Variants in MSRB2 observed in about 807,000 individuals in gnomAD.
The protein encoded by MSRB2 is methionine sulfoxide reductase B2, also known as methionine-R-sulfoxide reductase B2, mitochondrial.
In MSRB2, 17 loss-of-function variants were observed where a neutral mutation model predicts 19.0. That is an observed-to-expected ratio of 0.89 (90% CI 0.61 to 1.34). The LOEUF is 1.34. Ranked by LOEUF, MSRB2 falls within the 40% of genes most tolerant of loss-of-function variation. MSRB2 has a pLI of 0.00. For missense variants in MSRB2, 208 were observed against 237.6 expected (o/e 0.88, Z 0.82); for synonymous variants, 107 against 99.7 (o/e 1.07, Z -0.44).
chr10:23,097,051 G>A (rs1839876896), intron 1 of MSRB2, among the ~76,000 whole-genome samples: 2 of 152,318 alleles, frequency 1.3e-5, no homozygotes, highest in South Asian at 4.1e-4. Context: ...GAATCTATTC[G>A]AAGGAAATAG....
chr10:23,117,299 C>A (rs7904442), intron 3 of MSRB2, among the ~76,000 whole-genome samples: 98,995 of 151,828 alleles, frequency 0.65, 32,698 homozygotes, highest in Middle Eastern at 0.7. Context: ...CTGGGGGGGA[C>A]CTTTCTAGGG....
At chr10:23,107,017 C>T (rs1160493940) in intron 2 of MSRB2, among the ~76,000 whole-genome samples, 1 of 152,206 alleles carries the variant, frequency 6.6e-6, no homozygotes, top group Non-Finnish European at 1.5e-5. Flanking sequence ...CCTCCCTGTG[C>T]AGCCAGGCAT....
At chr10:23,118,483 G>A (rs889523275) in intron 3 of MSRB2, among the ~76,000 whole-genome samples, 2 of 151,918 alleles carry the variant, frequency 1.3e-5, no homozygotes, top group Admixed American at 6.6e-5. Flanking sequence ...AGAGCACTTA[G>A]AGGGTGGGTC....
At chr10:23,097,650 GT>G (rs1839882307) in intron 1 of MSRB2, among the ~76,000 whole-genome samples, 6 of 152,170 alleles carry the variant, frequency 3.9e-5, no homozygotes, top group Admixed American at 3.9e-4. Flanking sequence ...TTGTAACAAT[GT>G]CTTTGGACAT....
In MSRB2 at chr10:23,095,634, G is replaced by A. The variant is rs1030350940; in HGVS notation, c.26G>A (p.Arg9Gln). 13 of 1,468,948 alleles carry A rather than the reference G, an allele frequency of 8.8e-6. No homozygotes were observed. Among genetic ancestry groups the A allele is most frequent in the Non-Finnish European group, 1.2e-5 (13 of 1,116,508 alleles). 91.0% of individuals were successfully genotyped at this position (1,468,948 alleles called of 1,614,324 possible). ...ATGGCGCGGCTCCTCTGGTTGCTCC[G>A]GGGCCTGACCCTCGGAACTGCGCCT... MARLLWLLRGLTLGTAPRR... is the reference protein window; with the variant it reads MARLLWLLQGLTLGTAPRR... Residue 9 changes from arginine (R) to glutamine (Q), a missense_variant, in exon 1 of 5, where the codon CGG becomes CAG. Coordinates refer to ENST00000376510, the MANE Select transcript of MSRB2 (RefSeq NM_012228.4).
intron 2 of MSRB2, 100 bp downstream of exon 2, chr10:23,104,344 C>T: frequency 1.2e-6 from 1 of 822,978 alleles, no homozygotes; most frequent in Non-Finnish European, 1.9e-6. Flanking sequence ...CAGCAACACT[C>T]CACAGGCCTG....
At chr10:23,109,064 C>T (rs1249379059) in intron 2 of MSRB2, among the ~76,000 whole-genome samples, 1 of 152,194 alleles carries the variant, frequency 6.6e-6, no homozygotes, top group African/African-American at 2.4e-5. Flanking sequence ...CTGAAGATTT[C>T]CTGAGTCAGC....
chr10:23,096,133 C>T (rs1375092067), intron 1 of MSRB2, among the ~76,000 whole-genome samples: 1 of 152,128 alleles, frequency 6.6e-6, no homozygotes, highest in Admixed American at 6.5e-5. Context: ...CATTGCAGCC[C>T]TCTTCGTAGT....
At chr10:23,098,853 C>G (rs1490193094) in intron 1 of MSRB2, among the ~76,000 whole-genome samples, 1 of 152,232 alleles carries the variant, frequency 6.6e-6, no homozygotes, top group Non-Finnish European at 1.5e-5. Flanking sequence ...CAAAATATCA[C>G]AGGCTGGGCA....
chr10:23,113,692 GT>G (rs1840079290), intron 3 of MSRB2, among the ~76,000 whole-genome samples: 1 of 152,152 alleles, frequency 6.6e-6, no homozygotes, highest in African/African-American at 2.4e-5. Context: ...TTGGAGTAGG[GT>G]CAGCCCTAAT....
chr10:23,118,939 C>A, intron 3 of MSRB2: 1 of 427,180 alleles, frequency 2.3e-6, no homozygotes. Context: ...TTCCTCCGAG[C>A]ATTAGTATTT....
intron 2 of MSRB2, among the ~76,000 whole-genome samples, chr10:23,105,829 A>G (rs969711141): frequency 6.6e-6 from 1 of 152,214 alleles, no homozygotes; most frequent in African/African-American, 2.4e-5. Context: ...AGTCATCAGA[A>G]GGGCCAGCAC....
rs1361980963 is a variant in MSRB2, at chr10:23,121,916, G to C, written c.*1054G>C. The stretch of plus-strand genomic sequence containing the variant: ...CACAAATAAACTGCAATAGGACTTG[G>C]TTAGATTTCAATGATTATGAATAAA... On this transcript the variant is annotated 3_prime_UTR_variant, in exon 5 of 5. Coordinates refer to ENST00000376510, the MANE Select transcript of MSRB2 (RefSeq NM_012228.4). The C allele has an allele frequency of 3.9e-5, 6 of 152,250 alleles. No homozygotes were observed. The highest frequency in any genetic ancestry group is 3.9e-4 in the Admixed American group (6 of 15,300). 9.4% of individuals were successfully genotyped at this position (152,250 alleles called of 1,614,324 possible).
At position 23,119,082 on chromosome 10, in the gene MSRB2, C is replaced by G. The variant is rs567663530; in HGVS notation, c.297-222C>G. 2.0e-5 allele frequency: 13 copies of G among 661,602 alleles called. No individual in the cohort carries two copies. The East Asian group carries it at 3.9e-4, about 20-fold the overall frequency. 41.0% of individuals were successfully genotyped at this position (661,602 alleles called of 1,614,324 possible). A position where few individuals can be genotyped will look rare whatever the true frequency, so the allele number is the denominator to read the frequency against. On this transcript the variant is annotated intron_variant, in intron 3 of 4. Coordinates refer to ENST00000376510, the MANE Select transcript of MSRB2 (RefSeq NM_012228.4). Reference sequence around the variant, plus strand: ...ATATCCAGAAAGAAGTCTTTAGCATCAAAGGATCAAGAAGTCCTTCCACTT... The same window carrying G: ...ATATCCAGAAAGAAGTCTTTAGCATGAAAGGATCAAGAAGTCCTTCCACTT...
intron 3 of MSRB2, among the ~76,000 whole-genome samples, chr10:23,118,554 G>C (rs1840142619): frequency 6.6e-6 from 1 of 151,966 alleles, no homozygotes; most frequent in Non-Finnish European, 1.5e-5. Flanking sequence ...GTCCCTGGGA[G>C]ACTTCTGGAG....
intron 3 of MSRB2, among the ~76,000 whole-genome samples, chr10:23,116,778 A>G (rs1355853851): frequency 6.6e-6 from 1 of 152,224 alleles, no homozygotes; most frequent in Non-Finnish European, 1.5e-5. Context: ...TTTAGCTGCT[A>G]GAGAAGAAGA....
intron 3 of MSRB2, among the ~76,000 whole-genome samples, chr10:23,114,210 C>T (rs762663687): frequency 3.2e-4 from 48 of 151,986 alleles, no homozygotes; most frequent in Non-Finnish European, 5.7e-4. Flanking sequence ...ACTAGTTGGG[C>T]GTGGTAGCAC....
At chr10:23,104,693 T>C (rs1291973161) in intron 2 of MSRB2, among the ~76,000 whole-genome samples, 1 of 152,174 alleles carries the variant, frequency 6.6e-6, no homozygotes, top group East Asian at 1.9e-4. Flanking sequence ...AATAAGGTCC[T>C]AACGGCCCCT....
chr10:23,098,591 G>T (rs1000953926), intron 1 of MSRB2, among the ~76,000 whole-genome samples: 1 of 152,218 alleles, frequency 6.6e-6, no homozygotes, highest in Non-Finnish European at 1.5e-5. Context: ...GGATGAGCAC[G>T]TGGTGCAGAG....
Sources: gnomAD v4.1 joint callset for allele counts (sites outside exome capture counted in the v4.1 genomes callset) on GRCh38, gnomAD v4.1.1 for gene constraint, MANE v1.5 for transcripts, NCBI Gene and HGNC (gene_info 2026-07-23, HGNC 2026-07-21) for gene names.